Variants in SUZ12 observed in about 807,000 individuals in gnomAD.
SUZ12 encodes SUZ12 polycomb repressive complex 2 subunit.
A neutral mutation model predicts 87.3 loss-of-function variants in SUZ12; 17 were observed. The observed-to-expected ratio is 0.19, with a 90% confidence interval of 0.13 to 0.29. The LOEUF is 0.29. Among genes scored for constraint, SUZ12 ranks in the 10% least tolerant of loss-of-function variants. The pLI is 1.00. For missense variants in SUZ12, 526 were observed against 912.2 expected, an observed-to-expected ratio of 0.58 and a Z score of 5.45; for synonymous variants, 253 against 312.4, an observed-to-expected ratio of 0.81 and a Z score of 2.01.
intron 1 of SUZ12, among the ~76,000 whole-genome samples, chr17:31,938,149 A>G (rs1906051377): frequency 6.6e-6 from 1 of 151,996 alleles, no homozygotes; most frequent in Non-Finnish European, 1.5e-5. Flanking sequence ...CTTACAGAAC[A>G]TTTTCTTGCG....
intron 3 of SUZ12, among the ~76,000 whole-genome samples, chr17:31,944,702 C>T (rs1324727731): frequency 6.6e-6 from 1 of 151,992 alleles, no homozygotes; most frequent in Non-Finnish European, 1.5e-5. Context: ...TGTTTCAGAC[C>T]TGTAATTTCA....
Position 31,986,672 on chromosome 17 carries a change from C to T in SUZ12, c.1024-1648C>T, listed in dbSNP as rs1362006694. ...GTTCAAGCGATTCTCCTGCCTCAGC[C>T]TCCCAAGTAGCTGGGATTACAGGCG... On this transcript the variant is annotated intron_variant, in intron 9 of 15. Transcript: ENST00000322652. Among the ~76,000 whole-genome samples the T allele has an allele frequency of 3.3e-5, 5 of 152,136 alleles. No individual in the cohort carries two copies. The East Asian group carries it at 9.7e-4, about 29-fold the overall frequency.
chr17:31,941,687 C>G (rs1374154252), intron 3 of SUZ12, among the ~76,000 whole-genome samples: 3 of 151,420 alleles, frequency 2.0e-5, no homozygotes, highest in Admixed American at 6.6e-5. Context: ...GTAGCTTGGA[C>G]TATAGGCGCG....
rs749918460 is a variant in SUZ12 at position 32,000,236 on chromosome 17, T to C, written c.*1233T>C. 3.4e-5 allele frequency: 8 copies of C among 233,138 alleles called. No homozygotes were observed. The highest frequency in any genetic ancestry group is 5.1e-5 in the Non-Finnish European group (6 of 117,824). 14.4% of individuals were successfully genotyped at this position (233,138 alleles called of 1,614,324 possible). A position where few individuals can be genotyped will look rare whatever the true frequency, so the allele number is the denominator to read the frequency against. ...TATTTATAAAGGATCAATGCTGCTG[T>C]AAATACAGGTATTTTTAATTTTAAA... On this transcript the variant is annotated 3_prime_UTR_variant, in exon 16 of 16. Transcript: ENST00000322652.
At chr17:31,938,468 A>G (rs1906072131) in intron 1 of SUZ12, among the ~76,000 whole-genome samples, 1 of 152,230 alleles carries the variant, frequency 6.6e-6, no homozygotes, top group Non-Finnish European at 1.5e-5. Context: ...TGTGCTTAGA[A>G]AGACGTATTA....
intron 8 of SUZ12, among the ~76,000 whole-genome samples, chr17:31,977,149 A>C (rs1420992535): frequency 6.6e-6 from 1 of 152,092 alleles, no homozygotes; most frequent in Non-Finnish European, 1.5e-5. Context: ...GGTGGTATGT[A>C]CCTGTAGTTC....
rs71142099 is a variant in SUZ12 at position 31,972,383 on chromosome 17, G to GTATATA, written c.506-746_506-741dup. ...TGTGTATGTATGTGTGTTTGTGTGT[G>GTATATA]TATATATATATATATATATATAAAT... On this transcript the variant is annotated intron_variant, in intron 5 of 15. Coordinates refer to ENST00000322652, the MANE Select transcript of SUZ12 (RefSeq NM_015355.4). Among the ~76,000 whole-genome samples, 370 of 144,682 alleles carry GTATATA rather than the reference G, an allele frequency of 2.6e-3. 1 individual carries two copies. The highest frequency in any genetic ancestry group is 8.2e-3 in the African/African-American group (325 of 39,694). 94.9% of individuals were successfully genotyped at this position (144,682 alleles called of 152,430 possible). A position where few individuals can be genotyped will look rare whatever the true frequency, so the allele number is the denominator to read the frequency against.
intron 4 of SUZ12, among the ~76,000 whole-genome samples, chr17:31,952,066 G>A (rs896147834): frequency 4.6e-5 from 7 of 151,802 alleles, no homozygotes; most frequent in African/African-American, 7.3e-5. Flanking sequence ...GAGCCACTGC[G>A]CCCAGCCTTC....
intron 15 of SUZ12, among the ~76,000 whole-genome samples, chr17:31,997,436 G>A (rs1910032259): frequency 1.3e-5 from 2 of 152,168 alleles, no homozygotes; most frequent in Non-Finnish European, 2.9e-5. Context: ...GCCAAGGTGG[G>A]TGGATCACTT....
rs369422951 is a variant in SUZ12 at position 31,995,855 on chromosome 17, CTT to C, written c.1794+99_1794+100del. The C allele has an allele frequency of 6.4e-3, 5,031 of 787,206 alleles. 4 individuals carry two copies. The highest frequency in any genetic ancestry group is 0.011 in the Middle Eastern group (36 of 3,248). The allele number at this position is 787,206 out of a possible 1,614,324, so 48.8% of individuals were successfully genotyped here. A position where few individuals can be genotyped will look rare whatever the true frequency, so the allele number is the denominator to read the frequency against. On this transcript the variant is annotated intron_variant, in intron 14 of 15. Transcript: ENST00000322652. The stretch of plus-strand genomic sequence containing the variant: ...GAACTAGACTTTTATTGTAAAGGAA[CTT>C]TTTTTAAAAAAAAAAAAAGGAATCC...
chr17:31,945,061 CAAAAAAAAAA>C (rs34314619), intron 3 of SUZ12, among the ~76,000 whole-genome samples: 842 of 79,288 alleles, frequency 0.011, 10 homozygotes, highest in African/African-American at 0.035. Context: ...GATGGTGTCT[CAAAAAAAAAA>C]AAAAAAAAAA....
chr17:31,956,037 T>A (rs1216545185), intron 4 of SUZ12, among the ~76,000 whole-genome samples: 3 of 151,898 alleles, frequency 2.0e-5, no homozygotes, highest in African/African-American at 7.2e-5. Context: ...CTCAGCCTCC[T>A]GAGTAGCTAG....
intron 3 of SUZ12, among the ~76,000 whole-genome samples, chr17:31,943,134 G>A (rs1906406172): frequency 6.6e-6 from 1 of 152,196 alleles, no homozygotes; most frequent in African/African-American, 2.4e-5. Context: ...GTTAATAGGT[G>A]AAAATTGCTG....
At chr17:31,978,577 G>A (rs1000881561) in intron 8 of SUZ12, among the ~76,000 whole-genome samples, 2 of 152,098 alleles carry the variant, frequency 1.3e-5, no homozygotes, top group African/African-American at 4.8e-5. Flanking sequence ...AACCATAAAT[G>A]TACTAGAAAA....
intron 4 of SUZ12, among the ~76,000 whole-genome samples, chr17:31,956,412 T>G (rs1482047223): frequency 6.6e-6 from 1 of 152,154 alleles, no homozygotes; most frequent in Non-Finnish European, 1.5e-5. Context: ...CAGGATGGTC[T>G]TGATCTGACC....
At chr17:31,989,989 G>T (rs1909631092) in intron 10 of SUZ12, among the ~76,000 whole-genome samples, 1 of 104,576 alleles carries the variant, frequency 9.6e-6, no homozygotes, top group African/African-American at 4.2e-5. Context: ...TTGAGATGGA[G>T]TCTCGCCCAG....
chr17:31,937,498 G>C lies in SUZ12; in HGVS notation c.252G>C (p.Glu84Asp). ...PKMEHVQADH[E>D]LFLQAFEKPT... is the part of the protein sequence containing the mutation. ...TGGAGCACGTCCAGGCTGACCACGA[G>C]CTTTTCCTCCAGGCCTTTGAGAGTG... is the stretch of plus-strand genomic sequence containing the variant. The change falls in exon 1 of 16, where the codon GAG (glutamate) becomes GAC (aspartate). Residue 84 changes from glutamate to aspartate, a missense_variant. By Grantham distance (45) the Glu-to-Asp change is conservative. Coordinates refer to ENST00000322652, the MANE Select transcript of SUZ12 (RefSeq NM_015355.4). 6.5e-7 allele frequency: 1 copy of C among 1,541,536 alleles called. No individual in the cohort carries two copies. Among genetic ancestry groups the C allele is most frequent in the Non-Finnish European group, 8.7e-7 (1 of 1,146,524 alleles).
intron 4 of SUZ12, among the ~76,000 whole-genome samples, chr17:31,951,427 CTTG>C (rs768605479): frequency 8.0e-4 from 121 of 151,040 alleles, no homozygotes; most frequent in Non-Finnish European, 1.4e-3. Flanking sequence ...CTTGCAGAAA[CTTG>C]TTGGTGGAAG....
chr17:31,965,554 A>C (rs1396168539), intron 4 of SUZ12: 1 of 152,200 alleles, frequency 6.6e-6, no homozygotes, highest in South Asian at 2.1e-4. Context: ...TAAATTATAG[A>C]TCTATACCAG....
Sources: gnomAD v4.1 joint callset for allele counts (sites outside exome capture counted in the v4.1 genomes callset) on GRCh38, gnomAD v4.1.1 for gene constraint, MANE v1.5 for transcripts, NCBI Gene and HGNC (gene_info 2026-07-23, HGNC 2026-07-21) for gene names.